Variants in PPP2R2C observed in about 807,000 individuals in gnomAD.
PPP2R2C encodes protein phosphatase 2 regulatory subunit Bgamma.
In PPP2R2C, 10 loss-of-function variants were observed where a neutral mutation model predicts 45.3. The observed-to-expected ratio is 0.22, with a 90% CI of 0.14 to 0.37. The LOEUF (loss-of-function observed/expected upper bound fraction) is 0.37. Among genes scored for constraint, PPP2R2C ranks in the 10% least tolerant of loss-of-function variants. The probability of loss-of-function intolerance (pLI) is 1.00; values close to 1 mark genes in which losing one functional copy is unlikely to be tolerated. For missense variants in PPP2R2C, 308 were observed against 619.7 expected, an observed-to-expected ratio of 0.50 and a Z score of 5.34; for synonymous variants, 257 against 245.4, an observed-to-expected ratio of 1.05 and a Z score of -0.44.
At chr4:6,493,045 C>T (rs1164247482) in intron 2 of PPP2R2C, among the ~76,000 whole-genome samples, 2 of 152,088 alleles carry the variant, frequency 1.3e-5, no homozygotes, top group Non-Finnish European at 2.9e-5. Flanking sequence ...TACCCTGCCT[C>T]GGGGACTTTG....
intron 1 of PPP2R2C, among the ~76,000 whole-genome samples, chr4:6,458,166 C>A (rs1196848251): frequency 6.6e-6 from 1 of 152,224 alleles, no homozygotes; most frequent in African/African-American, 2.4e-5. Flanking sequence ...CACATCTCTG[C>A]TGAGCATCAT....
chr4:6,344,985 A>G (rs41338750), intron 6 of PPP2R2C, among the ~76,000 whole-genome samples: 22,498 of 152,242 alleles, frequency 0.15, 2,176 homozygotes, highest in Non-Finnish European at 0.22. Flanking sequence ...TTTTCCTAAT[A>G]CTTCAAGGAG....
chr4:6,350,678 G>C, intron 5 of PPP2R2C: 1 of 985,186 alleles, frequency 1.0e-6, no homozygotes, highest in Non-Finnish European at 1.2e-6. Context: ...CCCAAGGGGA[G>C]ACCTCTCCTT....
In PPP2R2C at chr4:6,333,688, C is replaced by T. The variant is rs371801715; in HGVS notation, c.834G>A (p.Ser278=). Residue 278 remains serine, a synonymous_variant, in exon 7 of 9, where the codon TCG becomes TCA. Transcript: ENST00000382599. The stretch of plus-strand genomic sequence containing the variant: ...CGTCGGACACGGAGGAGATGATTTC[C>T]GAGAAGAATGAGCGGTTACTGGGGT... ...PEDPSNRSFF[S]EIISSVSDVK... is the part of the protein sequence containing the mutation. 5.9e-5 allele frequency: 96 copies of T among 1,613,994 alleles called. No individual in the cohort carries two copies. Among genetic ancestry groups the T allele is most frequent in the South Asian group, 1.8e-4 (16 of 91,076 alleles).
Position 6,364,774 on chromosome 4 carries a change from C to T in PPP2R2C, c.625+7749G>A, listed in dbSNP as rs1263294878. On this transcript the variant is annotated intron_variant, in intron 5 of 8. Coordinates refer to ENST00000382599, the MANE Select transcript of PPP2R2C (RefSeq NM_020416.4). This position sits in a 1 kb window ranked among gnomAD's most constrained non-coding sequence, Gnocchi z 5.3. ...GAGCCCTGGCAGTCTGGCTCCTAGA[C>T]CTAAGAAGGGAGGCCAGTCAGGTCA... Among the ~76,000 whole-genome samples, 1 of 151,950 alleles carries T rather than the reference C, an allele frequency of 6.6e-6. No homozygotes were observed. The highest frequency in any genetic ancestry group is 1.5e-5 in the Non-Finnish European group (1 of 67,978).
intron 1 of PPP2R2C, among the ~76,000 whole-genome samples, chr4:6,456,147 A>T (rs1215116395): frequency 6.6e-6 from 1 of 152,268 alleles, no homozygotes; most frequent in Non-Finnish European, 1.5e-5. Context: ...AGCCAATAAA[A>T]ATTGTTAACT....
intron 6 of PPP2R2C, 109 bp downstream of exon 6, chr4:6,347,737 C>T (rs990485248): frequency 4.3e-5 from 60 of 1,392,972 alleles, no homozygotes; most frequent in Middle Eastern, 2.5e-4. Context: ...CAGTCCAGGA[C>T]ATGCTCATCC....
chr4:6,381,587 T>C, intron 1 of PPP2R2C: 1 of 1,439,400 alleles, frequency 6.9e-7, no homozygotes, highest in Middle Eastern at 2.1e-4. Context: ...AGGACAGAGG[T>C]GAATTACCCC....
At chr4:6,352,790 A>G (rs1712692019) in intron 5 of PPP2R2C, among the ~76,000 whole-genome samples, 1 of 152,152 alleles carries the variant, frequency 6.6e-6, no homozygotes, top group African/African-American at 2.4e-5. Flanking sequence ...GCATGTGTCC[A>G]TAACATCCTG....
intron 1 of PPP2R2C, among the ~76,000 whole-genome samples, chr4:6,469,077 CAAAAAAAAAAA>C (rs142008829): frequency 2.5e-4 from 14 of 56,154 alleles, no homozygotes; most frequent in Non-Finnish European, 2.9e-4. Flanking sequence ...GCCCTGCCAC[CAAAAAAAAAAA>C]AAAAAAAAAA....
In PPP2R2C at chr4:6,337,864, C is replaced by T. The variant is rs184062333; in HGVS notation, c.791-4133G>A. 3.2e-3 allele frequency among the ~76,000 whole-genome samples: 484 copies of T among 152,232 alleles called. 3 individuals are homozygous for T. The highest frequency in any genetic ancestry group is 5.1e-3 in the Non-Finnish European group (349 of 68,030). On this transcript the variant is annotated intron_variant, in intron 6 of 8. Transcript: ENST00000382599. ...AGGACACAAGGAACAGGAATGCAAA[C>T]GATAGATCGGAAGGGATATTAATAA... is the stretch of plus-strand genomic sequence containing the variant.
chr4:6,532,975 T>C (rs973130961), intron 2 of PPP2R2C, among the ~76,000 whole-genome samples: 2 of 152,154 alleles, frequency 1.3e-5, no homozygotes, highest in Non-Finnish European at 2.9e-5. Context: ...ACTTCACAGT[T>C]TACACAGCAC....
At chr4:6,463,635 A>G (rs1309769541) in intron 1 of PPP2R2C, among the ~76,000 whole-genome samples, 1 of 152,178 alleles carries the variant, frequency 6.6e-6, no homozygotes, top group Non-Finnish European at 1.5e-5. Flanking sequence ...TCCTGGTCTC[A>G]AGCAGAGGAG....
upstream of PPP2R2C, among the ~76,000 whole-genome samples, chr4:6,475,242 G>T (rs961498505): frequency 6.6e-6 from 1 of 152,156 alleles, no homozygotes; most frequent in African/African-American, 2.4e-5. Context: ...TGGAGATGGA[G>T]ATAGAAAGGA....
chr4:6,472,127 G>C, intron 1 of PPP2R2C, 33 bp downstream of exon 1: 11 of 1,612,772 alleles, frequency 6.8e-6, no homozygotes, highest in South Asian at 1.1e-5. Flanking sequence ...CGCCGCGGCC[G>C]GCCGGAGGGG....
At chr4:6,391,831 T>C (rs1285387159) in intron 1 of PPP2R2C, among the ~76,000 whole-genome samples, 1 of 152,228 alleles carries the variant, frequency 6.6e-6, no homozygotes, top group African/African-American at 2.4e-5. Flanking sequence ...ACTGCCACTG[T>C]GTGGAAAGGG....
chr4:6,400,075 C>T (rs527724247), intron 1 of PPP2R2C, among the ~76,000 whole-genome samples: 13 of 152,352 alleles, frequency 8.5e-5, no homozygotes, highest in Admixed American at 7.2e-4. Flanking sequence ...TCTTGAGTTT[C>T]ACCCATCACC....
chr4:6,490,081 A>G (rs1722650012), intron 2 of PPP2R2C, among the ~76,000 whole-genome samples: 2 of 152,272 alleles, frequency 1.3e-5, no homozygotes, highest in South Asian at 4.1e-4. Flanking sequence ...CTTGCCAGCC[A>G]TGTGTGCAGC....
chr4:6,424,251 C>G (rs1426770965), intron 1 of PPP2R2C, among the ~76,000 whole-genome samples: 1 of 152,232 alleles, frequency 6.6e-6, no homozygotes. Flanking sequence ...ACTGTCCCAT[C>G]ATCACCCTCA....
Sources: allele counts gnomAD v4.1 joint callset (sites outside exome capture counted in the v4.1 genomes callset), GRCh38; gene constraint gnomAD v4.1.1; non-coding constraint Gnocchi (gnomAD v3.1); transcripts MANE v1.5; gene names NCBI Gene and HGNC (gene_info 2026-07-23, HGNC 2026-07-21).